PCGF5: variants seen among roughly 807,000 people sequenced by gnomAD.
PCGF5 encodes the protein polycomb group ring finger 5, also known as polycomb group RING finger protein 5.
Under a neutral mutation model 44.3 loss-of-function variants are expected in PCGF5, and 9 were observed. That is an observed-to-expected ratio of 0.20 (90% CI 0.12 to 0.35). PCGF5 has a LOEUF of 0.35. Among genes scored for constraint, PCGF5 ranks in the 10% least tolerant of loss-of-function variants. PCGF5 has a pLI of 1.00. For missense variants in PCGF5, 146 were observed against 305.3 expected, an observed-to-expected ratio of 0.48 and a Z score of 3.89; for synonymous variants, 95 against 102.5, an observed-to-expected ratio of 0.93 and a Z score of 0.44.
chr10:91,216,050 A>C (rs1186806675), upstream of PCGF5, among the ~76,000 whole-genome samples: 1 of 152,232 alleles, frequency 6.6e-6, no homozygotes, highest in Non-Finnish European at 1.5e-5. Flanking sequence ...TTGTTTGAAC[A>C]CTTGCTTTTT....
intron 6 of PCGF5, among the ~76,000 whole-genome samples, chr10:91,254,149 A>G (rs1359947381): frequency 6.6e-6 from 1 of 151,186 alleles, no homozygotes; most frequent in East Asian, 1.9e-4. Context: ...AAAACAAGTG[A>G]TTATTCCTTT....
chr10:91,237,990 G>A (rs1589387214), intron 2 of PCGF5, among the ~76,000 whole-genome samples: 1 of 151,994 alleles, frequency 6.6e-6, no homozygotes, highest in South Asian at 2.1e-4. Flanking sequence ...AAATTTTCTA[G>A]TAGCCACACT....
At chr10:91,239,111 C>CT (rs1324385602) in intron 2 of PCGF5, among the ~76,000 whole-genome samples, 1 of 152,086 alleles carries the variant, frequency 6.6e-6, no homozygotes, top group Non-Finnish European at 1.5e-5. Context: ...CACCCTGTCT[C>CT]TATCTTATTT....
chr10:91,266,583 T>C (rs889359230), intron 8 of PCGF5, among the ~76,000 whole-genome samples: 3 of 152,206 alleles, frequency 2.0e-5, no homozygotes, highest in African/African-American at 7.2e-5. Context: ...CCTTTTACAT[T>C]TAGTGCAACA....
In PCGF5 at chr10:91,167,163, TTTATG is replaced by T. The variant is rs1293173087; in HGVS notation, c.-184+4083_-184+4087del. On this transcript the variant is annotated intron_variant, in intron 1 of 9. Transcript: ENST00000614189. The stretch of plus-strand genomic sequence containing the variant: ...TCTTAAGAGTTTGTCTAAATTAACT[TTTATG>T]ATAAGTACATTTTCATTATTTTATA... Among the ~76,000 whole-genome samples the T allele has an allele frequency of 4.0e-5, 4 of 101,038 alleles. No homozygotes were observed. The East Asian group carries it at 9.9e-4, about 25-fold the overall frequency. 66.3% of individuals were successfully genotyped at this position (101,038 alleles called of 152,430 possible).
At chr10:91,191,657 A>G (rs905248296) in intron 1 of PCGF5, among the ~76,000 whole-genome samples, 4 of 152,174 alleles carry the variant, frequency 2.6e-5, no homozygotes, top group African/African-American at 9.7e-5. Flanking sequence ...GCTTGTCCTC[A>G]GTACAGTGAT....
chr10:91,195,481 TATATAG>T (rs34701688), intron 1 of PCGF5, among the ~76,000 whole-genome samples: 21,852 of 134,240 alleles, frequency 0.16, 1,965 homozygotes, highest in East Asian at 0.39. Context: ...CATATATATA[TATATAG>T]AGAGAGAGAG....
At chr10:91,204,894 CA>C (rs1844316721) in intron 1 of PCGF5, among the ~76,000 whole-genome samples, 1 of 152,070 alleles carries the variant, frequency 6.6e-6, no homozygotes, top group Non-Finnish European at 1.5e-5. Context: ...CCTTGATGTT[CA>C]AGTTTTAACT....
intron 1 of PCGF5, among the ~76,000 whole-genome samples, chr10:91,173,161 A>G (rs949142953): frequency 6.6e-6 from 1 of 152,234 alleles, no homozygotes; most frequent in African/African-American, 2.4e-5. Context: ...ACCATATGGG[A>G]TGCAACACAC....
intron 1 of PCGF5, among the ~76,000 whole-genome samples, chr10:91,195,365 C>G (rs999484094): frequency 6.6e-6 from 1 of 151,320 alleles, no homozygotes; most frequent in Non-Finnish European, 1.5e-5. Context: ...TCCTTTCTAT[C>G]CATTGTCTAG....
intron 1 of PCGF5, among the ~76,000 whole-genome samples, chr10:91,190,131 G>T (rs1564629254): frequency 6.6e-6 from 1 of 152,184 alleles, no homozygotes; most frequent in African/African-American, 2.4e-5. Context: ...CTCTGGTGAG[G>T]ACCCACTTCC....
intron 5 of PCGF5, among the ~76,000 whole-genome samples, chr10:91,249,739 A>G (rs1845577311): frequency 6.6e-6 from 1 of 151,896 alleles, no homozygotes; most frequent in East Asian, 1.9e-4. Context: ...AATAGTTTTG[A>G]TGCTAGAATA....
At position 91,261,441 on chromosome 10, in the gene PCGF5, C is replaced by A; in HGVS notation, c.573+17C>A. ...TCTTATGAGGTAAGTTAAATAATAT[C>A]TAAGCTTGATCATTTTGATAATTCT... On this transcript the variant is annotated intron_variant, in intron 7 of 9. Transcript: ENST00000336126. 1 of 1,416,370 alleles carries A rather than the reference C, an allele frequency of 7.1e-7. No homozygotes were observed. The highest frequency in any genetic ancestry group is 1.8e-5 in the South Asian group (1 of 55,814). The allele number at this position is 1,416,370 out of a possible 1,614,324, so 87.7% of individuals were successfully genotyped here.
intron 2 of PCGF5, chr10:91,227,238 CTT>C: frequency 5.2e-6 from 2 of 386,914 alleles, no homozygotes; most frequent in Non-Finnish European, 1.0e-5. Flanking sequence ...GATGTATGTT[CTT>C]TTTTTTTTCC....
At chr10:91,221,989 G>A (rs1844694040) in intron 1 of PCGF5, among the ~76,000 whole-genome samples, 1 of 152,314 alleles carries the variant, frequency 6.6e-6, no homozygotes, top group South Asian at 2.1e-4. Flanking sequence ...GTTGGATAGA[G>A]TGCTTAGAAC....
intron 2 of PCGF5, among the ~76,000 whole-genome samples, chr10:91,234,995 A>T (rs934422997): frequency 3.3e-5 from 5 of 152,172 alleles, no homozygotes; most frequent in Admixed American, 6.5e-5. Flanking sequence ...ATGGTTTCTT[A>T]ATGGTGATAA....
intron 7 of PCGF5, among the ~76,000 whole-genome samples, chr10:91,263,061 A>G (rs1002763871): frequency 2.6e-5 from 4 of 152,196 alleles, no homozygotes. Context: ...ACACCTCCTT[A>G]TGTATCCCAA....
chr10:91,193,489 A>C (rs1259075369), intron 1 of PCGF5, among the ~76,000 whole-genome samples: 1 of 149,228 alleles, frequency 6.7e-6, no homozygotes, highest in Non-Finnish European at 1.5e-5. Context: ...TGTTCTAGAC[A>C]GAGAGAACAG....
At chr10:91,207,920 C>G (rs1392586101) in intron 1 of PCGF5, among the ~76,000 whole-genome samples, 1 of 152,286 alleles carries the variant, frequency 6.6e-6, no homozygotes, top group South Asian at 2.1e-4. Flanking sequence ...CTGTTAGATG[C>G]AATCACTGTT....
Sources: gnomAD v4.1 joint callset for allele counts (sites outside exome capture counted in the v4.1 genomes callset) on GRCh38, gnomAD v4.1.1 for gene constraint, MANE v1.5 for transcripts, NCBI Gene and HGNC (gene_info 2026-07-23, HGNC 2026-07-21) for gene names.